Variants in SLC22A2 observed in about 807,000 individuals in gnomAD.
SLC22A2 encodes the protein solute carrier family 22 member 2, also known as organic cation transporter 2.
In SLC22A2, 46 loss-of-function variants were observed where a neutral mutation model predicts 60.5. That is an observed-to-expected ratio of 0.76 (90% CI 0.60 to 0.97). The LOEUF is 0.97. Ranked by LOEUF, SLC22A2 falls within the 50% of genes least tolerant of loss-of-function variation. The pLI is 0.00. For missense variants in SLC22A2, 701 were observed against 706.6 expected (o/e 0.99, Z 0.09); for synonymous variants, 303 against 267.0 (o/e 1.13, Z -1.31).
At chr6:160,234,204 C>G (rs1782874024) in intron 9 of SLC22A2, among the ~76,000 whole-genome samples, 1 of 152,156 alleles carries the variant, frequency 6.6e-6, no homozygotes, top group Admixed American at 6.5e-5. Flanking sequence ...AACGGCCCCA[C>G]CCTATCTCCT....
In SLC22A2 at chr6:160,258,411, C is replaced by A. The variant is rs766277243; in HGVS notation, c.347G>T (p.Arg116Leu). The A allele has an allele frequency of 4.4e-6, 7 of 1,606,110 alleles. No homozygotes were observed. In the South Asian group the frequency reaches 5.6e-5, roughly 13 times the overall value. ...PLASLDTNRSRLPLGPCRDGW... is the reference protein window; with the variant it reads ...PLASLDTNRSLLPLGPCRDGW... ...GTCCCGGCAGGGGCCCAGTGGCAGG[C>A]GGCTCCTGTTGGTGTCCAGGCTGGC... Residue 116 changes from arginine to leucine, a missense_variant, in exon 1 of 11, where the codon CGC becomes CTC. Transcript: ENST00000366953.
intron 9 of SLC22A2, among the ~76,000 whole-genome samples, chr6:160,231,863 C>T (rs963448444): frequency 6.6e-6 from 1 of 151,898 alleles, no homozygotes; most frequent in Admixed American, 6.6e-5. Context: ...CTTTTCATTA[C>T]ATACAGCTGA....
chr6:160,234,985 TGGCTAA>T (rs1263650161), intron 9 of SLC22A2, among the ~76,000 whole-genome samples: 2 of 152,240 alleles, frequency 1.3e-5, no homozygotes, highest in African/African-American at 4.8e-5. Flanking sequence ...CTGTTTGGCA[TGGCTAA>T]AGTCAGGTAA....
chr6:160,252,716 T>A (rs1191663954), intron 2 of SLC22A2, among the ~76,000 whole-genome samples: 6 of 152,184 alleles, frequency 3.9e-5, no homozygotes, highest in Admixed American at 6.5e-5. Context: ...AAATACAGAA[T>A]TTTGGGCCCA....
intron 9 of SLC22A2, among the ~76,000 whole-genome samples, chr6:160,226,355 A>C (rs1782722970): frequency 6.6e-6 from 1 of 152,116 alleles, no homozygotes; most frequent in Non-Finnish European, 1.5e-5. Context: ...AGTCTCCCAC[A>C]CAGCCGGCTC....
At chr6:160,247,886 C>T (rs1562437367) in intron 4 of SLC22A2, among the ~76,000 whole-genome samples, 2 of 151,992 alleles carry the variant, frequency 1.3e-5, no homozygotes, top group Admixed American at 6.6e-5. Context: ...GGAGGTTCAG[C>T]GGGAGGAGAA....
intron 9 of SLC22A2, among the ~76,000 whole-genome samples, chr6:160,233,570 T>C (rs984783118): frequency 3.9e-5 from 6 of 151,974 alleles, no homozygotes; most frequent in African/African-American, 1.2e-4. Flanking sequence ...GGACACTCTC[T>C]AATTGGATGT....
At chr6:160,250,726 G>C in intron 2 of SLC22A2, 24 bp from the exon 3 acceptor site, 1 of 1,608,524 alleles carries the variant, frequency 6.2e-7, no homozygotes, top group Non-Finnish European at 8.5e-7. Context: ...AACAAAGAGA[G>C]GGAATTGAAT....
At chr6:160,253,828 C>A (rs1783225979) in intron 2 of SLC22A2, among the ~76,000 whole-genome samples, 1 of 152,174 alleles carries the variant, frequency 6.6e-6, no homozygotes, top group East Asian at 1.9e-4. Context: ...ATGGTGCACA[C>A]TTCTAGCCAA....
At chr6:160,236,710 A>G (rs979378945) in intron 9 of SLC22A2, among the ~76,000 whole-genome samples, 6 of 152,208 alleles carry the variant, frequency 3.9e-5, no homozygotes, top group African/African-American at 9.7e-5. Flanking sequence ...CCTTGTCTAC[A>G]TAGTCCCTGT....
At chr6:160,238,038 T>A (rs2114860472) in intron 9 of SLC22A2, among the ~76,000 whole-genome samples, 1 of 152,326 alleles carries the variant, frequency 6.6e-6, no homozygotes, top group South Asian at 2.1e-4. Flanking sequence ...GAAATAACCA[T>A]AAAAATGGGC....
At chr6:160,227,746 C>A (rs1782746454) in intron 9 of SLC22A2, among the ~76,000 whole-genome samples, 1 of 152,184 alleles carries the variant, frequency 6.6e-6, no homozygotes. Context: ...ATTGCATTCC[C>A]AGACAGTTAG....
At position 160,253,693 on chromosome 6, in the gene SLC22A2, T is replaced by C. The variant is rs188804995; in HGVS notation, c.518+2921A>G. Among the ~76,000 whole-genome samples, 501 of 152,346 alleles carry C rather than the reference T, an allele frequency of 3.3e-3. 2 individuals are homozygous for C. The highest frequency in any genetic ancestry group is 6.8e-3 in the Middle Eastern group (2 of 294). On this transcript the variant is annotated intron_variant, in intron 2 of 10. Coordinates refer to ENST00000366953, the MANE Select transcript of SLC22A2 (RefSeq NM_003058.4). ...AAATTAAATTATATACATTTACAAC[T>C]AAATTATATTGAAAGCAAGTGTAAT...
chr6:160,227,026 A>G (rs998994714), intron 9 of SLC22A2, among the ~76,000 whole-genome samples: 21 of 152,314 alleles, frequency 1.4e-4, no homozygotes, highest in African/African-American at 5.1e-4. Context: ...GACAAAAAAA[A>G]TTAAAATATT....
chr6:160,236,918 C>T (rs1454615828), intron 9 of SLC22A2, among the ~76,000 whole-genome samples: 3 of 152,226 alleles, frequency 2.0e-5, no homozygotes, highest in African/African-American at 7.2e-5. Context: ...TTTGTCAAAG[C>T]CAATTTAAAA....
intron 9 of SLC22A2, among the ~76,000 whole-genome samples, chr6:160,226,292 A>G (rs1782722008): frequency 6.6e-6 from 1 of 152,172 alleles, no homozygotes; most frequent in Non-Finnish European, 1.5e-5. Context: ...TTATGCTTAA[A>G]AACTTTGCTC....
At chr6:160,242,059 T>C (rs1332296813) in intron 8 of SLC22A2, among the ~76,000 whole-genome samples, 2 of 152,162 alleles carry the variant, frequency 1.3e-5, no homozygotes, top group Non-Finnish European at 2.9e-5. Flanking sequence ...CCTGTAGCCA[T>C]TGGGTAATCC....
chr6:160,245,369 C>A, intron 6 of SLC22A2, 70 bp downstream of exon 6: 1 of 857,556 alleles, frequency 1.2e-6, no homozygotes, highest in African/African-American at 1.7e-5. Context: ...ATGTTTTCTT[C>A]CCTTCCTTAC....
At chr6:160,231,183 T>C (rs1260747905) in intron 9 of SLC22A2, among the ~76,000 whole-genome samples, 1 of 151,918 alleles carries the variant, frequency 6.6e-6, no homozygotes, top group African/African-American at 2.4e-5. Context: ...TCCCCCACTC[T>C]GGTGCCAACT....
Sources: allele counts gnomAD v4.1 joint callset (sites outside exome capture counted in the v4.1 genomes callset), GRCh38; gene constraint gnomAD v4.1.1; transcripts MANE v1.5; gene names NCBI Gene and HGNC (gene_info 2026-07-23, HGNC 2026-07-21).